Variants in SSH2 observed in about 807,000 individuals in gnomAD.
SSH2 encodes the protein slingshot protein phosphatase 2, also known as protein phosphatase Slingshot homolog 2.
Under a neutral mutation model 135.2 loss-of-function variants are expected in SSH2, and 37 were observed. The observed-to-expected ratio is 0.27, with a 90% confidence interval of 0.21 to 0.36. The LOEUF (loss-of-function observed/expected upper bound fraction) is 0.36, where lower values mean the gene tolerates loss of function less well. Ranked by LOEUF, SSH2 falls within the 10% of genes least tolerant of loss-of-function variation. SSH2 has a pLI of 1.00. For missense variants in SSH2, 1,408 were observed against 1,765.3 expected (o/e 0.80, Z 3.63); for synonymous variants, 628 against 646.2 (o/e 0.97, Z 0.43).
intron 1 of SSH2, among the ~76,000 whole-genome samples, chr17:29,864,809 T>C (rs998631960): frequency 1.3e-5 from 2 of 152,194 alleles, no homozygotes; most frequent in Non-Finnish European, 2.9e-5. Context: ...ATTCTCAGTG[T>C]GGTCTCCAGA....
intron 2 of SSH2, among the ~76,000 whole-genome samples, chr17:29,807,855 T>C (rs891800483): frequency 6.7e-6 from 1 of 148,306 alleles, no homozygotes; most frequent in African/African-American, 2.5e-5. Flanking sequence ...TTTTTTTTTT[T>C]AGGAAACACT....
At chr17:29,745,285 G>A (rs901913812) in intron 3 of SSH2, among the ~76,000 whole-genome samples, 3 of 151,560 alleles carry the variant, frequency 2.0e-5, no homozygotes, top group South Asian at 2.1e-4. Context: ...TCAGCCTCCC[G>A]AGTAGCGGGG....
At chr17:29,831,293 G>A (rs1171098858) in intron 2 of SSH2, among the ~76,000 whole-genome samples, 1 of 152,152 alleles carries the variant, frequency 6.6e-6, no homozygotes, top group East Asian at 1.9e-4. Flanking sequence ...GCTCTTCACA[G>A]TAGCCTGCAG....
intron 1 of SSH2, among the ~76,000 whole-genome samples, chr17:29,900,034 G>T (rs1424100439): frequency 6.6e-6 from 1 of 152,084 alleles, no homozygotes; most frequent in Non-Finnish European, 1.5e-5. Context: ...AATGGGGAAA[G>T]GATTCCCTAT....
intron 1 of SSH2, among the ~76,000 whole-genome samples, chr17:29,916,571 G>A (rs1450320347): frequency 1.3e-5 from 2 of 150,644 alleles, no homozygotes; most frequent in East Asian, 1.9e-4. Context: ...AGTGATACTC[G>A]TGCCTCAGCC....
chr17:29,673,267 C>T (rs1373922533), intron 8 of SSH2, among the ~76,000 whole-genome samples: 2 of 151,770 alleles, frequency 1.3e-5, no homozygotes, highest in African/African-American at 4.8e-5. Flanking sequence ...CTAATGTCTC[C>T]CTAAGAAAAA....
chr17:29,870,464 A>G (rs2151420648), intron 1 of SSH2, among the ~76,000 whole-genome samples: 1 of 152,338 alleles, frequency 6.6e-6, no homozygotes. Context: ...ACTTCATTAT[A>G]TACCCTTTAT....
At chr17:29,764,253 T>C (rs1181429983) in intron 3 of SSH2, among the ~76,000 whole-genome samples, 2 of 152,182 alleles carry the variant, frequency 1.3e-5, no homozygotes, top group African/African-American at 4.8e-5. Flanking sequence ...ACCCGGCCTG[T>C]CTCTTGCTTT....
chr17:29,891,024 G>A (rs2066340119), intron 1 of SSH2, among the ~76,000 whole-genome samples: 2 of 152,140 alleles, frequency 1.3e-5, no homozygotes, highest in Non-Finnish European at 1.5e-5. Context: ...AAAGTGCTGG[G>A]ATTACAGGTG....
chr17:29,721,081 C>T (rs761164173), intron 3 of SSH2, among the ~76,000 whole-genome samples: 5 of 152,124 alleles, frequency 3.3e-5, no homozygotes, highest in South Asian at 2.1e-4. Context: ...TTTATGAAGA[C>T]GCAATGATCC....
At chr17:29,781,083 T>C (rs1455417408) in intron 3 of SSH2, among the ~76,000 whole-genome samples, 3 of 152,204 alleles carry the variant, frequency 2.0e-5, no homozygotes, top group Admixed American at 2.0e-4. Flanking sequence ...AGTGCTGGGA[T>C]TACAGGCGTG....
At chr17:29,697,886 A>G (rs1195295952) in intron 4 of SSH2, among the ~76,000 whole-genome samples, 1 of 152,240 alleles carries the variant, frequency 6.6e-6, no homozygotes, top group Non-Finnish European at 1.5e-5. Flanking sequence ...AAAAAGTTGT[A>G]CACACATCTA....
intron 11 of SSH2, among the ~76,000 whole-genome samples, chr17:29,656,701 T>A (rs900981764): frequency 6.6e-6 from 1 of 152,186 alleles, no homozygotes; most frequent in Non-Finnish European, 1.5e-5. Flanking sequence ...CTTTCTTTCC[T>A]TCTTTCCCTT....
chr17:29,885,443 T>C (rs186555848), intron 1 of SSH2, among the ~76,000 whole-genome samples: 191 of 151,572 alleles, frequency 1.3e-3, no homozygotes, highest in African/African-American at 4.5e-3. Context: ...ACACGAGTGA[T>C]AGAAGCATCT....
chr17:29,823,677 C>T (rs1314103938), intron 2 of SSH2, among the ~76,000 whole-genome samples: 1 of 151,966 alleles, frequency 6.6e-6, no homozygotes, highest in African/African-American at 2.4e-5. Context: ...TTAGCGGTTC[C>T]AGACCAGCCT....
intron 2 of SSH2, among the ~76,000 whole-genome samples, chr17:29,808,469 T>C (rs2042386285): frequency 6.6e-6 from 1 of 152,164 alleles, no homozygotes; most frequent in African/African-American, 2.4e-5. Context: ...GTAGAAAAGT[T>C]ATACTTTGGG....
intron 4 of SSH2, among the ~76,000 whole-genome samples, chr17:29,696,206 CACAT>C (rs2038729929): frequency 2.2e-5 from 3 of 136,276 alleles, no homozygotes; most frequent in South Asian, 2.4e-4. Context: ...CACACACACA[CACAT>C]ATGTATATAC....
intron 3 of SSH2, among the ~76,000 whole-genome samples, chr17:29,715,832 A>C (rs968246922): frequency 6.6e-6 from 1 of 152,200 alleles, no homozygotes; most frequent in African/African-American, 2.4e-5. Flanking sequence ...CAGTGCAAGG[A>C]TATCAGAGAT....
At position 29,650,774 on chromosome 17, in the gene SSH2, C is replaced by T; in HGVS notation, c.1106G>A (p.Arg369Gln). 2 of 1,613,620 alleles carry T rather than the reference C, an allele frequency of 1.2e-6. No homozygotes were observed. The highest frequency in any genetic ancestry group is 1.7e-6 in the Non-Finnish European group (2 of 1,179,784). ...TCCTGGGAAGAAGTTATCTATCTCT[C>T]GAGTGACATTCAAGATATACCGTAC... is the stretch of plus-strand genomic sequence containing the variant. ...RGVRYILNVT[R>Q]EIDNFFPGVF... The change falls in exon 13 of 16, where the codon CGA becomes CAA. Residue 369 changes from arginine to glutamine, a missense_variant. Arg to Gln is a conservative substitution (Grantham distance 43). Coordinates refer to ENST00000540801, the MANE Select transcript of SSH2 (RefSeq NM_001282129.2).
Sources: gnomAD v4.1 joint callset for allele counts (sites outside exome capture counted in the v4.1 genomes callset) on GRCh38, gnomAD v4.1.1 for gene constraint, MANE v1.5 for transcripts, NCBI Gene and HGNC (gene_info 2026-07-23, HGNC 2026-07-21) for gene names.